ZC3H13: variants seen among roughly 807,000 people sequenced by gnomAD.
ZC3H13 encodes zinc finger CCCH domain-containing protein 13.
Under a neutral mutation model 204.1 loss-of-function variants are expected in ZC3H13, and 64 were observed. The ratio of observed to expected loss-of-function variants is 0.31; its 90% CI spans 0.26 to 0.39. The LOEUF (loss-of-function observed/expected upper bound fraction) is 0.39, where lower values mean the gene tolerates loss of function less well. Among genes scored for constraint, ZC3H13 ranks in the 10% least tolerant of loss-of-function variants. ZC3H13 has a pLI of 1.00. For missense variants in ZC3H13, 1,833 were observed against 2,082.7 expected (o/e 0.88, Z 2.33); for synonymous variants, 667 against 693.7 (o/e 0.96, Z 0.60).
rs1952310303 is a variant in ZC3H13 at position 45,968,794 on chromosome 13, C to T, written c.3750G>A (p.Arg1250=). ...GTTCTCCACGCTTTAACTGATCAAT[C>T]CTAGATTTTCTCTCTCCTGTGATTT... The part of the protein sequence containing the change: ...SLEITGERKS[R]IDQLKRGEPS... The change falls in exon 14 of 19, where the codon AGG becomes AGA. Residue 1250 remains arginine (R), a synonymous_variant. Transcript: ENST00000679008. 4.3e-6 allele frequency: 7 copies of T among 1,612,832 alleles called. No homozygotes were observed. The highest frequency in any genetic ancestry group is 5.9e-6 in the Non-Finnish European group (7 of 1,179,734).
intron 12 of ZC3H13, among the ~76,000 whole-genome samples, chr13:45,973,347 T>C (rs1208387371): frequency 6.6e-6 from 1 of 152,230 alleles, no homozygotes; most frequent in East Asian, 1.9e-4. Flanking sequence ...GATTAAGATA[T>C]TAATCTCATG....
chr13:45,982,576 A>G (rs1953741143), intron 10 of ZC3H13, among the ~76,000 whole-genome samples: 1 of 152,224 alleles, frequency 6.6e-6, no homozygotes, highest in African/African-American at 2.4e-5. Flanking sequence ...GACAGCTGCC[A>G]GCAAAACAAT....
chr13:46,000,161 C>T (rs2040635830), intron 8 of ZC3H13, among the ~76,000 whole-genome samples: 1 of 152,176 alleles, frequency 6.6e-6, no homozygotes, highest in Non-Finnish European at 1.5e-5. Context: ...ACTGGCTTCA[C>T]CTTAAAACCC....
At chr13:45,970,041 A>G in intron 13 of ZC3H13, 70 bp from the exon 14 acceptor site, 1 of 1,500,844 alleles carries the variant, frequency 6.7e-7, no homozygotes, top group Non-Finnish European at 8.8e-7. Flanking sequence ...TATAGATTAT[A>G]ATAATTTCTC....
chr13:46,024,382 C>T (rs562736569), intron 4 of ZC3H13, among the ~76,000 whole-genome samples: 1 of 152,212 alleles, frequency 6.6e-6, no homozygotes, highest in African/African-American at 2.4e-5. Flanking sequence ...AGTAAACACT[C>T]TCAATTTTAT....
chr13:46,035,268 C>T (rs1299770629), intron 4 of ZC3H13, among the ~76,000 whole-genome samples: 4 of 152,152 alleles, frequency 2.6e-5, no homozygotes, highest in Non-Finnish European at 4.4e-5. Flanking sequence ...TTCCAGCCTA[C>T]GTGCTTCCAG....
chr13:45,977,358 T>G (rs1329405182), intron 11 of ZC3H13, among the ~76,000 whole-genome samples: 5 of 152,198 alleles, frequency 3.3e-5, no homozygotes, highest in African/African-American at 4.8e-5. Context: ...AAATTTCTAA[T>G]TACAGCAATA....
At chr13:46,047,311 T>C (rs1387592396) in intron 1 of ZC3H13, among the ~76,000 whole-genome samples, 3 of 152,194 alleles carry the variant, frequency 2.0e-5, no homozygotes, top group African/African-American at 7.2e-5. Flanking sequence ...ATTCTTTTGA[T>C]ATAATAGCAA....
At chr13:46,015,122 C>T (rs2041833391) in intron 5 of ZC3H13, among the ~76,000 whole-genome samples, 1 of 152,118 alleles carries the variant, frequency 6.6e-6, no homozygotes, top group Admixed American at 6.5e-5. Flanking sequence ...CTAATAACAC[C>T]AAACTGTACT....
intron 4 of ZC3H13, among the ~76,000 whole-genome samples, chr13:46,022,590 A>G (rs1236286032): frequency 3.9e-5 from 6 of 152,024 alleles, no homozygotes; most frequent in Admixed American, 3.9e-4. Context: ...ATATTAATTA[A>G]AAGTATAACC....
chr13:45,975,547 C>T lies in ZC3H13; in HGVS notation c.2204G>A (p.Arg735Gln), dbSNP rs1952960808. ...TCGTTCCCTCTCTCTTTCCCGCTCT[C>T]GATCGTGGTCTCGGTCTCTATCCCT... ...RERDRDRDHDRERERERERDR... is the reference protein window; with the variant it reads ...RERDRDRDHDQERERERERDR... The change falls in exon 12 of 19, where the codon CGA becomes CAA. Residue 735 changes from arginine (R) to glutamine (Q), a missense_variant. By Grantham distance (43) the Arg-to-Gln change is conservative (BLOSUM62 1). This residue lies in a region of ZC3H13 where 1,574 missense variants were observed against 1,757.2 expected (regional missense o/e 0.90). Coordinates refer to ENST00000679008, the MANE Select transcript of ZC3H13 (RefSeq NM_001330564.2). 5.0e-6 allele frequency: 8 copies of T among 1,592,556 alleles called. No individual in the cohort carries two copies. The highest frequency in any genetic ancestry group is 1.4e-5 in the African/African-American group (1 of 74,022).
Position 45,975,363 on chromosome 13 carries a change from T to C in ZC3H13, c.2388A>G (p.Gly796=), listed in dbSNP as rs765247871. ...RQRDWEDKDK[G]RDDRREKREE... ...CTCGCTTTTCTCTGCGGTCATCTCG[T>C]CCTTTGTCTTTGTCTTCCCAATCCC... The change falls in exon 12 of 19, where the codon GGA becomes GGG. Residue 796 remains glycine, a synonymous_variant. Transcript: ENST00000679008. 4.3e-6 allele frequency: 7 copies of C among 1,613,990 alleles called. No individual in the cohort carries two copies. In the East Asian group the frequency reaches 1.6e-4, roughly 36 times the overall value.
chr13:46,022,994 GCA>G (rs2042311495), intron 4 of ZC3H13, among the ~76,000 whole-genome samples: 1 of 152,070 alleles, frequency 6.6e-6, no homozygotes, highest in African/African-American at 2.4e-5. Context: ...ACTCTCATAT[GCA>G]CATTTATTTC....
At chr13:46,050,491 C>T (rs1378821075) in intron 1 of ZC3H13, among the ~76,000 whole-genome samples, 1 of 152,102 alleles carries the variant, frequency 6.6e-6, no homozygotes, top group Non-Finnish European at 1.5e-5. Context: ...AAATTTCAAA[C>T]AATTAGGCAA....
intron 11 of ZC3H13, chr13:45,976,073 A>AC (rs1325260049): frequency 1.4e-6 from 1 of 740,728 alleles, no homozygotes. Context: ...CTCCCCGTCA[A>AC]CCCCCTTCCC....
At chr13:46,003,751 T>C (rs2040921410) in intron 7 of ZC3H13, among the ~76,000 whole-genome samples, 2 of 152,202 alleles carry the variant, frequency 1.3e-5, no homozygotes, top group African/African-American at 4.8e-5. Flanking sequence ...TTTTGCCATA[T>C]ATCTTACTTT....
chr13:45,983,744 A>G (rs905111923), intron 10 of ZC3H13, among the ~76,000 whole-genome samples: 1 of 152,034 alleles, frequency 6.6e-6, no homozygotes. Flanking sequence ...CTTATATTTA[A>G]CACTGTATTG....
At chr13:45,962,253 T>C (rs752127679) in intron 17 of ZC3H13, 62 of 985,174 alleles carry the variant, frequency 6.3e-5, no homozygotes, top group Non-Finnish European at 7.1e-5. Flanking sequence ...GCAGCAAAAA[T>C]AGAAGAAGTC....
chr13:45,967,228 C>T (rs1372997952), intron 15 of ZC3H13, among the ~76,000 whole-genome samples: 3 of 152,160 alleles, frequency 2.0e-5, no homozygotes, highest in Non-Finnish European at 4.4e-5. Flanking sequence ...TATTCTTCAA[C>T]ATCTATACAC....
Sources: gnomAD v4.1 joint callset for allele counts (sites outside exome capture counted in the v4.1 genomes callset) on GRCh38, gnomAD v4.1.1 for gene constraint, gnomAD v4.1.1 regional missense constraint, MANE v1.5 for transcripts, NCBI Gene and HGNC (gene_info 2026-07-23, HGNC 2026-07-21) for gene names.